PHACTR1: variants seen among roughly 807,000 people sequenced by gnomAD.
PHACTR1 encodes phosphatase and actin regulator 1, also known as RPEL repeat containing 1.
In PHACTR1, 16 loss-of-function variants were observed where a neutral mutation model predicts 69.2. The ratio of observed to expected loss-of-function variants is 0.23; its 90% confidence interval spans 0.16 to 0.35. The LOEUF (loss-of-function observed/expected upper bound fraction) is 0.35. Among genes scored for constraint, PHACTR1 ranks in the 10% least tolerant of loss-of-function variants. The pLI, the probability that PHACTR1 is intolerant of heterozygous loss-of-function variation, is 1.00. For missense variants in PHACTR1, 510 were observed against 734.7 expected (o/e 0.69, Z 3.54); for synonymous variants, 312 against 284.5 (o/e 1.10, Z -0.97).
chr6:12,798,055 C>CACACACACACACAT, intron 4 of PHACTR1, among the ~76,000 whole-genome samples: 1 of 151,684 alleles, frequency 6.6e-6, no homozygotes, highest in East Asian at 1.9e-4. Flanking sequence ...CACACACACA[C>CACACACACACACAT]ACACACACAC....
At chr6:12,895,342 T>A (rs1206318681) in intron 4 of PHACTR1, among the ~76,000 whole-genome samples, 2 of 151,938 alleles carry the variant, frequency 1.3e-5, no homozygotes, top group Non-Finnish European at 2.9e-5. Flanking sequence ...CCACCACACC[T>A]GGCTAATTTT....
intron 5 of PHACTR1, among the ~76,000 whole-genome samples, chr6:13,055,923 T>C (rs1806712660): frequency 1.3e-5 from 2 of 152,248 alleles, no homozygotes; most frequent in Admixed American, 1.3e-4. Context: ...TTAATGATCA[T>C]AGCAAGTTCT....
chr6:12,775,106 A>G (rs915391555), intron 4 of PHACTR1, among the ~76,000 whole-genome samples: 2 of 152,146 alleles, frequency 1.3e-5, no homozygotes, highest in African/African-American at 4.8e-5. Context: ...CAGTGCCCTT[A>G]CTGTGTCATC....
chr6:12,944,460 A>C (rs1182962956), intron 4 of PHACTR1, among the ~76,000 whole-genome samples: 1 of 152,244 alleles, frequency 6.6e-6, no homozygotes, highest in Non-Finnish European at 1.5e-5. Context: ...CATTTAAAAA[A>C]TAAATTAGAA....
intron 4 of PHACTR1, among the ~76,000 whole-genome samples, chr6:12,982,810 C>A (rs1795681232): frequency 6.6e-6 from 1 of 152,228 alleles, no homozygotes; most frequent in Non-Finnish European, 1.5e-5. Flanking sequence ...TCTGTTTGCT[C>A]ATCCATCCAG....
At chr6:13,079,566 C>T (rs990848578) in intron 5 of PHACTR1, among the ~76,000 whole-genome samples, 5 of 152,194 alleles carry the variant, frequency 3.3e-5, no homozygotes, top group Admixed American at 3.3e-4. Flanking sequence ...ACTGGGATTG[C>T]TGGCCAAAGA....
chr6:12,973,871 T>C (rs192675331), intron 4 of PHACTR1, among the ~76,000 whole-genome samples: 3 of 147,836 alleles, frequency 2.0e-5, no homozygotes, highest in East Asian at 2.0e-4. Flanking sequence ...TTTAAACAAA[T>C]AAACAAACAA....
chr6:13,133,844 A>T (rs1216757671), intron 5 of PHACTR1, among the ~76,000 whole-genome samples: 6 of 143,700 alleles, frequency 4.2e-5, no homozygotes, highest in African/African-American at 1.6e-4. Context: ...CCATCTAGGA[A>T]GTGAGGAGCG....
intron 4 of PHACTR1, among the ~76,000 whole-genome samples, chr6:13,027,829 C>T (rs1801919667): frequency 6.6e-6 from 1 of 152,152 alleles, no homozygotes. Context: ...GCATGCGCCA[C>T]CACACCCAGC....
chr6:13,080,413 G>T (rs1254868701), intron 5 of PHACTR1, among the ~76,000 whole-genome samples: 2 of 152,122 alleles, frequency 1.3e-5, no homozygotes, highest in African/African-American at 4.8e-5. Flanking sequence ...TGGAACTGGG[G>T]TGTGTAAGGG....
chr6:12,841,978 A>G (rs1400073341), intron 4 of PHACTR1, among the ~76,000 whole-genome samples: 15 of 152,224 alleles, frequency 9.9e-5, no homozygotes, highest in Admixed American at 9.2e-4. Flanking sequence ...TTGAATCTGT[A>G]CAAGTTTGTG....
At chr6:12,719,538 C>T (rs1761842122) in intron 3 of PHACTR1, among the ~76,000 whole-genome samples, 1 of 151,892 alleles carries the variant, frequency 6.6e-6, no homozygotes, top group African/African-American at 2.4e-5. Flanking sequence ...TTCTGTTTTC[C>T]ATGAAATGTT....
chr6:13,065,379 G>T (rs1428602423), intron 5 of PHACTR1, among the ~76,000 whole-genome samples: 1 of 152,052 alleles, frequency 6.6e-6, no homozygotes, highest in Admixed American at 6.6e-5. Context: ...GGAGGGACTG[G>T]TGGTCTCGGT....
At chr6:12,837,729 A>AACCTTC (rs1459208690) in intron 4 of PHACTR1, among the ~76,000 whole-genome samples, 4 of 152,238 alleles carry the variant, frequency 2.6e-5, no homozygotes, top group African/African-American at 7.2e-5. Context: ...ATGTGGATAA[A>AACCTTC]ACCTTCACAA....
rs891409529 is a variant in PHACTR1, at chr6:13,283,984, A to T, written c.1650+422A>T. The stretch of plus-strand genomic sequence containing the variant: ...AGACGCATAACCCCAGGAGGGAAAT[A>T]GGGCATAAATCAAAGAGACGTCGCA... On this transcript the variant is annotated intron_variant, in intron 13 of 14. Transcript: ENST00000332995. This position sits in a 1 kb window ranked among gnomAD's most constrained non-coding sequence, Gnocchi z 4.7. 3.4e-5 allele frequency: 6 copies of T among 176,320 alleles called. No individual in the cohort carries two copies. Among genetic ancestry groups the T allele is most frequent in the Non-Finnish European group, 7.3e-5 (6 of 82,498 alleles). The allele number at this position is 176,320 out of a possible 1,614,324, so 10.9% of individuals were successfully genotyped here.
At chr6:12,890,310 G>A (rs1053768125) in intron 4 of PHACTR1, among the ~76,000 whole-genome samples, 25 of 152,042 alleles carry the variant, frequency 1.6e-4, no homozygotes, top group Non-Finnish European at 7.4e-5. Context: ...AAAAAGGTTG[G>A]GGCTCGCTGT....
At chr6:12,960,481 G>C (rs917218089) in intron 4 of PHACTR1, among the ~76,000 whole-genome samples, 1 of 152,194 alleles carries the variant, frequency 6.6e-6, no homozygotes, top group East Asian at 1.9e-4. Flanking sequence ...GTTTTGGACA[G>C]AAGGGTCAAT....
chr6:13,015,746 A>G (rs187697620), intron 4 of PHACTR1, among the ~76,000 whole-genome samples: 1 of 152,336 alleles, frequency 6.6e-6, no homozygotes, highest in Admixed American at 6.5e-5. Flanking sequence ...TACCCCGTCA[A>G]TGGAGACAGG....
chr6:13,244,857 T>C (rs1016181082), intron 10 of PHACTR1, among the ~76,000 whole-genome samples: 2 of 152,178 alleles, frequency 1.3e-5, no homozygotes, highest in African/African-American at 4.8e-5. Flanking sequence ...GATTAAGAGA[T>C]TAAAGTAAAG....
Sources: gnomAD v4.1 joint callset for allele counts (sites outside exome capture counted in the v4.1 genomes callset) on GRCh38, gnomAD v4.1.1 for gene constraint, Gnocchi (gnomAD v3.1) non-coding constraint, MANE v1.5 for transcripts, NCBI Gene and HGNC (gene_info 2026-07-23, HGNC 2026-07-21) for gene names.